PIK3C2G: variants seen among roughly 807,000 people sequenced by gnomAD.
The protein encoded by PIK3C2G is phosphatidylinositol 3-kinase C2 domain-containing subunit gamma.
PIK3C2G carries 168 observed loss-of-function variants against 181.1 expected under a neutral mutation model. That is an observed-to-expected ratio of 0.93 (90% CI 0.82 to 1.05). PIK3C2G has a LOEUF of 1.05. PIK3C2G is among the 50% of genes least tolerant of loss of function. The pLI is 0.00. For synonymous variants in PIK3C2G, 573 were observed against 592.2 expected (o/e 0.97, Z 0.47); for missense variants, 1,869 against 1,732.8 (o/e 1.08, Z -1.40).
intron 18 of PIK3C2G, among the ~76,000 whole-genome samples, chr12:18,446,667 T>G (rs1276863907): frequency 6.6e-6 from 1 of 152,174 alleles, no homozygotes; most frequent in East Asian, 1.9e-4. Context: ...TGTTGTTGTT[T>G]TGCTATAATT....
upstream of PIK3C2G, among the ~76,000 whole-genome samples, chr12:18,257,120 A>T (rs1948153367): frequency 6.6e-6 from 1 of 152,062 alleles, no homozygotes; most frequent in Non-Finnish European, 1.5e-5. Flanking sequence ...TTAAGTACCA[A>T]ATATGTTCTG....
chr12:18,663,700 A>T, the PIK3C2G span, among the ~76,000 whole-genome samples: 1 of 152,148 alleles, frequency 6.6e-6, no homozygotes, highest in Non-Finnish European at 1.5e-5. Context: ...ATGATTTGTG[A>T]GACATGACAC....
chr12:18,317,217 T>C (rs1380674170), intron 6 of PIK3C2G, among the ~76,000 whole-genome samples: 1 of 151,902 alleles, frequency 6.6e-6, no homozygotes, highest in Non-Finnish European at 1.5e-5. Context: ...TTCACCATGT[T>C]GGTTAGGCTG....
intron 8 of PIK3C2G, among the ~76,000 whole-genome samples, chr12:18,335,228 C>T (rs1256199094): frequency 6.6e-6 from 1 of 152,086 alleles, no homozygotes; most frequent in Non-Finnish European, 1.5e-5. Context: ...CTTCCCCCTA[C>T]CTTCACCAAG....
At chr12:18,284,745 AC>A (rs1949370013) in intron 2 of PIK3C2G, among the ~76,000 whole-genome samples, 2 of 152,182 alleles carry the variant, frequency 1.3e-5, no homozygotes, top group Admixed American at 1.3e-4. Context: ...TAAAAAAGTA[AC>A]TGGATGTGCT....
At chr12:18,524,578 C>A (rs910717955) in intron 24 of PIK3C2G, among the ~76,000 whole-genome samples, 1 of 97,130 alleles carries the variant, frequency 1.0e-5, no homozygotes, top group South Asian at 3.2e-4. Flanking sequence ...TTTTTTTTTT[C>A]TTTTGAGCCG....
At chr12:18,324,955 T>C (rs1951270241) in intron 7 of PIK3C2G, 80 bp from the exon 8 acceptor site, 1 of 704,962 alleles carries the variant, frequency 1.4e-6, no homozygotes, top group Non-Finnish European at 2.4e-6. Flanking sequence ...GCAAAACAAT[T>C]TGTGATAAAT....
At chr12:18,473,251 G>A (rs1023805453) in intron 18 of PIK3C2G, among the ~76,000 whole-genome samples, 2 of 152,128 alleles carry the variant, frequency 1.3e-5, no homozygotes, top group African/African-American at 4.8e-5. Flanking sequence ...CAGAGTCCAG[G>A]TCTGATTTAC....
chr12:18,503,643 T>A (rs7304476), intron 23 of PIK3C2G, among the ~76,000 whole-genome samples: 1 of 152,062 alleles, frequency 6.6e-6, no homozygotes, highest in Non-Finnish European at 1.5e-5. Context: ...CAATAAAGAT[T>A]TTTTTTTGCT....
Position 18,648,181 on chromosome 12 carries a change from TTTA to T in PIK3C2G, c.*156_*158del, listed in dbSNP as rs1950255165. On this transcript the variant is annotated 3_prime_UTR_variant, in exon 33 of 33. Coordinates refer to ENST00000538779, the MANE Select transcript of PIK3C2G (RefSeq NM_001288772.2). The stretch of plus-strand genomic sequence containing the variant: ...AAATCAGAATTAGTCTTTTGTGTTG[TTTA>T]TTTTCTACCTGTGCTTTCATTGTTT... 1 of 320,920 alleles carries T rather than the reference TTTA, an allele frequency of 3.1e-6. No homozygotes were observed. Among genetic ancestry groups the T allele is most frequent in the South Asian group, 1.1e-4 (1 of 9,426 alleles). 19.9% of individuals were successfully genotyped at this position (320,920 alleles called of 1,614,324 possible). A position where few individuals can be genotyped will look rare whatever the true frequency, so the allele number is the denominator to read the frequency against.
chr12:18,608,035 A>T (rs376257257), intron 30 of PIK3C2G, among the ~76,000 whole-genome samples: 47 of 151,892 alleles, frequency 3.1e-4, no homozygotes, highest in East Asian at 2.7e-3. Context: ...GGCCATCATT[A>T]AAAAGTCAGG....
At chr12:18,602,045 C>G (rs114443113) in intron 30 of PIK3C2G, among the ~76,000 whole-genome samples, 3,585 of 152,206 alleles carry the variant, frequency 0.024, 153 homozygotes, top group African/African-American at 0.082. Flanking sequence ...CTGGCCAGAA[C>G]TCAGGGGAGG....
chr12:18,535,990 AG>A (rs1348570589), intron 24 of PIK3C2G, among the ~76,000 whole-genome samples: 2 of 152,022 alleles, frequency 1.3e-5, no homozygotes, highest in Non-Finnish European at 2.9e-5. Flanking sequence ...GGATAGCATT[AG>A]GAGATATACC....
At chr12:18,399,871 A>G in intron 16 of PIK3C2G, 24 bp downstream of exon 16, 2 of 1,476,368 alleles carry the variant, frequency 1.4e-6, no homozygotes, top group South Asian at 2.7e-5. Context: ...AACAAGCATG[A>G]TATTACTGAC....
chr12:18,407,094 T>A (rs966943011), intron 16 of PIK3C2G, among the ~76,000 whole-genome samples: 2 of 152,078 alleles, frequency 1.3e-5, no homozygotes, highest in Non-Finnish European at 2.9e-5. Context: ...ACAAATAAGG[T>A]AAGGTACATA....
At chr12:18,379,566 C>T (rs1942693869) in intron 13 of PIK3C2G, among the ~76,000 whole-genome samples, 1 of 152,158 alleles carries the variant, frequency 6.6e-6, no homozygotes, top group Non-Finnish European at 1.5e-5. Flanking sequence ...GGCTCTCTTC[C>T]TAAGAGGGGA....
chr12:18,645,360 G>T (rs1032224029), intron 32 of PIK3C2G, among the ~76,000 whole-genome samples: 6 of 152,122 alleles, frequency 3.9e-5, no homozygotes, highest in African/African-American at 1.4e-4. Context: ...TCTATAATGT[G>T]CAATGATTAC....
chr12:18,661,114 T>C, the PIK3C2G span, among the ~76,000 whole-genome samples: 78 of 152,172 alleles, frequency 5.1e-4, 1 homozygote, highest in African/African-American at 1.8e-3. Flanking sequence ...GTTTGGGGAA[T>C]AGCAATAAAG....
At chr12:18,559,562 T>C (rs1945185837) in intron 26 of PIK3C2G, among the ~76,000 whole-genome samples, 1 of 151,572 alleles carries the variant, frequency 6.6e-6, no homozygotes, top group African/African-American at 2.4e-5. Flanking sequence ...GTGAGGGTTC[T>C]GTGGCAAATA....
Sources: allele counts gnomAD v4.1 joint callset (sites outside exome capture counted in the v4.1 genomes callset), GRCh38; gene constraint gnomAD v4.1.1; transcripts MANE v1.5; gene names NCBI Gene and HGNC (gene_info 2026-07-23, HGNC 2026-07-21).